UTP4: variants seen among roughly 807,000 people sequenced by gnomAD.
UTP4 encodes UTP4 small subunit processome component, also known as U3 small nucleolar RNA-associated protein 4 homolog.
Under a neutral mutation model 82.4 loss-of-function variants are expected in UTP4, and 45 were observed. That is an observed-to-expected ratio of 0.55 (90% confidence interval 0.43 to 0.70). The LOEUF (loss-of-function observed/expected upper bound fraction) is 0.70, where lower values mean the gene tolerates loss of function less well. UTP4 is among the 30% of genes least tolerant of loss of function. UTP4 has a pLI of 0.00. For synonymous variants in UTP4, 348 were observed against 300.3 expected (o/e 1.16, Z -1.64); for missense variants, 819 against 858.3 (o/e 0.95, Z 0.57).
In UTP4 at chr16:69,139,895, T is replaced by A; in HGVS notation, c.507T>A (p.Ser169Arg). The A allele has an allele frequency of 1.2e-6, 2 of 1,612,448 alleles. No homozygotes were observed. The highest frequency in any genetic ancestry group is 1.7e-6 in the Non-Finnish European group (2 of 1,178,496). The change falls in exon 5 of 17, where the codon AGT becomes AGA. Residue 169 changes from serine (S) to arginine (R), a missense_variant. Physicochemically the swap from Ser to Arg is moderately radical, Grantham distance 110. Coordinates refer to ENST00000314423, the MANE Select transcript of UTP4 (RefSeq NM_032830.3). ...HIAAGSIDYISVFDVKSGSAV... is the reference protein window; with the variant it reads ...HIAAGSIDYIRVFDVKSGSAV... ...CAGCTGGTTCCATAGACTACATTAGTGTGTTTGATGTCAAATCAGGTGATT... is the reference window on the plus strand; with the variant it reads ...CAGCTGGTTCCATAGACTACATTAGAGTGTTTGATGTCAAATCAGGTGATT...
At position 69,165,446 on chromosome 16, in the gene UTP4, C is replaced by T; in HGVS notation, c.1753C>T (p.His585Tyr). Residue 585 changes from histidine to tyrosine, a missense_variant, in exon 15 of 17, where the codon CAC (histidine) becomes TAC (tyrosine). By Grantham distance (83) the His-to-Tyr change is moderately conservative (BLOSUM62 2). Coordinates refer to ENST00000314423, the MANE Select transcript of UTP4 (RefSeq NM_032830.3). ...LWLQRDTPIT[H>Y]ISFHPKRPMH... is the part of the protein sequence containing the mutation. Reference sequence around the variant, plus strand: ...GCTCCAAAGGGATACTCCTATCACACACATCAGTTTTCATCCCAAGAGACC... The same window carrying T: ...GCTCCAAAGGGATACTCCTATCACATACATCAGTTTTCATCCCAAGAGACC... The T allele has an allele frequency of 6.2e-7, 1 of 1,614,000 alleles. No homozygotes were observed. Among genetic ancestry groups the T allele is most frequent in the Non-Finnish European group, 8.5e-7 (1 of 1,179,898 alleles).
rs763000534 is a variant in UTP4, at chr16:69,160,435, C to T, written c.1524C>T (p.Val508=). 1.1e-5 allele frequency: 18 copies of T among 1,613,956 alleles called. No homozygotes were observed. Among genetic ancestry groups the T allele is most frequent in the Non-Finnish European group, 1.4e-5 (16 of 1,179,896 alleles). Reference sequence around the variant, plus strand: ...CTGCATCAGGTACCAGTGCTGGAGTCCATGTCTACAACGTAAAACAGCTAA... The same window carrying T: ...CTGCATCAGGTACCAGTGCTGGAGTTCATGTCTACAACGTAAAACAGCTAA... ...WLAASGTSAG[V]HVYNVKQLKL... is the part of the protein sequence containing the mutation. The change falls in exon 13 of 17, where the codon GTC becomes GTT. Residue 508 remains valine (V), a synonymous_variant. Coordinates refer to ENST00000314423, the MANE Select transcript of UTP4 (RefSeq NM_032830.3).
rs775560786 is a variant in UTP4 at position 69,150,530 on chromosome 16, TC to T, written c.739-5del. 6.2e-7 allele frequency: 1 copy of T among 1,614,190 alleles called. No homozygotes were observed. The highest frequency in any genetic ancestry group is 1.1e-5 in the South Asian group (1 of 91,082). ...ACGTGTACCTCCCTCATGATTTAAT[TC>T]CTCAGCAAGAAGACAGTTTCGTGGT... On this transcript the variant is annotated splice_polypyrimidine_tract_variant and splice_region_variant and intron_variant, in intron 6 of 16. Coordinates refer to ENST00000314423, the MANE Select transcript of UTP4 (RefSeq NM_032830.3).
intron 2 of UTP4, among the ~76,000 whole-genome samples, chr16:69,136,219 A>G (rs1396217893): frequency 6.6e-6 from 1 of 152,174 alleles, no homozygotes. Flanking sequence ...CTAAGCATAA[A>G]ATGCCTTGAT....
Position 69,167,160 on chromosome 16 carries a change from C to G in UTP4, c.1919C>G (p.Ala640Gly). The G allele has an allele frequency of 1.2e-6, 2 of 1,611,702 alleles. No homozygotes were observed. The highest frequency in any genetic ancestry group is 1.7e-6 in the Non-Finnish European group (2 of 1,177,840). The change falls in exon 16 of 17, where the codon GCT (alanine) becomes GGT (glycine). Residue 640 changes from alanine (A) to glycine (G), a missense_variant. Ala to Gly is a moderately conservative substitution (Grantham distance 60, BLOSUM62 0). Coordinates refer to ENST00000314423, the MANE Select transcript of UTP4 (RefSeq NM_032830.3). ...GTCATCCGGAGGCGCACAGCTCATG[C>G]TTTTAAAATTTCTAAGATATATAAG... ...SDVIRRRTAH[A>G]FKISKIYKPL...
chr16:69,157,778 G>A (rs1033053134), intron 12 of UTP4, among the ~76,000 whole-genome samples: 3 of 151,230 alleles, frequency 2.0e-5, no homozygotes, highest in Non-Finnish European at 2.9e-5. Flanking sequence ...CATTTTTTTT[G>A]TAGAGACGGG....
At chr16:69,157,320 G>A (rs1963445751) in intron 12 of UTP4, 80 bp downstream of exon 12, 2 of 1,436,550 alleles carry the variant, frequency 1.4e-6, no homozygotes, top group South Asian at 2.4e-5. Context: ...TCCATGTCGG[G>A]GGTTCCCTCA....
At position 69,163,147 on chromosome 16, in the gene UTP4, A is replaced by C. The variant is rs776728506; in HGVS notation, c.1616A>C (p.Asn539Thr). ...VTAMAIAPNTNNLVIAHSDQQ... is the reference protein window; with the variant it reads ...VTAMAIAPNTTNLVIAHSDQQ... Reference sequence around the variant, plus strand: ...GCTATGGCTATTGCCCCCAATACCAACAACCTTGTCATCGCTCATTCGGAC... The same window carrying C: ...GCTATGGCTATTGCCCCCAATACCACCAACCTTGTCATCGCTCATTCGGAC... Residue 539 changes from asparagine (N) to threonine (T), a missense_variant, in exon 14 of 17, where the codon AAC (asparagine) becomes ACC (threonine). Asn to Thr is a moderately conservative substitution (Grantham distance 65). Transcript: ENST00000314423. 1 of 1,614,088 alleles carries C rather than the reference A, an allele frequency of 6.2e-7. No homozygotes were observed. The highest frequency in any genetic ancestry group is 1.7e-5 in the Admixed American group (1 of 60,016).
chr16:69,142,128 C>T (rs1415861430), intron 5 of UTP4: 1 of 152,166 alleles, frequency 6.6e-6, no homozygotes, highest in East Asian at 1.9e-4. Flanking sequence ...AGGCTTTCCT[C>T]ATGTCTGGTG....
intron 6 of UTP4, among the ~76,000 whole-genome samples, chr16:69,149,079 A>G (rs772758591): frequency 4.0e-5 from 6 of 151,354 alleles, no homozygotes; most frequent in East Asian, 1.9e-4. Flanking sequence ...AACCCTGTCT[A>G]TACTGAAAAA....
intron 16 of UTP4, chr16:69,167,387 A>G (rs1963728069): frequency 3.4e-6 from 2 of 580,042 alleles, no homozygotes; most frequent in Non-Finnish European, 3.1e-6. Flanking sequence ...AGGCAGGCAC[A>G]TCATACTTAA....
At chr16:69,152,031 T>A (rs1319166325) in intron 8 of UTP4, among the ~76,000 whole-genome samples, 1 of 150,800 alleles carries the variant, frequency 6.6e-6, no homozygotes, top group Non-Finnish European at 1.5e-5. Context: ...GATAGATAGA[T>A]CAACAGCTCT....
intron 4 of UTP4, 155 bp downstream of exon 4, chr16:69,138,040 C>G: frequency 1.5e-6 from 1 of 654,166 alleles, no homozygotes; most frequent in South Asian, 1.7e-5. Context: ...CCAGCCCAGG[C>G]TTTACCCATT....
chr16:69,165,684 GT>G, intron 15 of UTP4, 158 bp downstream of exon 15: 1 of 721,630 alleles, frequency 1.4e-6, no homozygotes, highest in Non-Finnish European at 2.4e-6. Flanking sequence ...AGGGGCTTTT[GT>G]TTTACAGATT....
intron 13 of UTP4, 60 bp downstream of exon 13, chr16:69,160,522 C>T: frequency 8.2e-7 from 1 of 1,217,148 alleles, no homozygotes; most frequent in Non-Finnish European, 1.2e-6. Context: ...GTTCACCCTG[C>T]AGTTACAAGA....
chr16:69,150,304 G>A (rs962791044), intron 6 of UTP4, among the ~76,000 whole-genome samples: 3 of 152,114 alleles, frequency 2.0e-5, no homozygotes, highest in South Asian at 2.1e-4. Flanking sequence ...TATATGAAGC[G>A]TTGCTGTACT....
intron 14 of UTP4, among the ~76,000 whole-genome samples, chr16:69,164,101 G>A (rs1597154107): frequency 6.6e-6 from 1 of 151,908 alleles, no homozygotes; most frequent in South Asian, 2.1e-4. Flanking sequence ...AGCCAGGATG[G>A]TCTCGATCTC....
At chr16:69,156,525 C>G (rs1008111019) in intron 11 of UTP4, among the ~76,000 whole-genome samples, 1 of 152,028 alleles carries the variant, frequency 6.6e-6, no homozygotes, top group Admixed American at 6.6e-5. Context: ...ATGGCACCAC[C>G]TCAGCTCACC....
intron 6 of UTP4, among the ~76,000 whole-genome samples, chr16:69,146,798 C>T (rs1371884864): frequency 6.6e-6 from 1 of 151,346 alleles, no homozygotes; most frequent in East Asian, 2.0e-4. Flanking sequence ...AGATCAAGAC[C>T]ATCCCGGCTA....
Sources: gnomAD v4.1 joint callset for allele counts (sites outside exome capture counted in the v4.1 genomes callset) on GRCh38, gnomAD v4.1.1 for gene constraint, MANE v1.5 for transcripts, NCBI Gene and HGNC (gene_info 2026-07-23, HGNC 2026-07-21) for gene names.